The following SEPTIN11 variants were observed in gnomAD, a reference collection of about 807,000 sequenced individuals.
SEPTIN11 encodes the protein septin 11, also known as septin-11.
In SEPTIN11, 25 loss-of-function variants were observed where a neutral mutation model predicts 51.4. The observed-to-expected ratio is 0.49, with a 90% CI of 0.35 to 0.68. SEPTIN11 has a LOEUF of 0.68. SEPTIN11 is among the 30% of genes least tolerant of loss of function. SEPTIN11 has a pLI of 0.00. For synonymous variants in SEPTIN11, 174 were observed against 184.1 expected, an observed-to-expected ratio of 0.95 and a Z score of 0.44; for missense variants, 381 against 520.8, an observed-to-expected ratio of 0.73 and a Z score of 2.61.
chr4:76,950,910 C>G (rs116981583), intron 1 of SEPTIN11, among the ~76,000 whole-genome samples: 1 of 152,176 alleles, frequency 6.6e-6, no homozygotes, highest in African/African-American at 2.4e-5. Context: ...TCCCTTTCCC[C>G]TTTTCATCGT....
At chr4:77,005,885 A>AT (rs1724450829) in intron 3 of SEPTIN11, 89 bp downstream of exon 3, 1 of 1,261,090 alleles carries the variant, frequency 7.9e-7, no homozygotes, top group Non-Finnish European at 1.1e-6. Context: ...TGTTTTGGGG[A>AT]TTTTTTAGTT....
At chr4:76,957,852 A>G (rs541583701) in intron 1 of SEPTIN11, among the ~76,000 whole-genome samples, 17 of 152,270 alleles carry the variant, frequency 1.1e-4, no homozygotes, top group African/African-American at 4.1e-4. Flanking sequence ...CTTATGTGTC[A>G]TCCACATAGT....
intron 2 of SEPTIN11, among the ~76,000 whole-genome samples, chr4:77,003,792 T>G (rs1724292240): frequency 6.6e-6 from 1 of 152,152 alleles, no homozygotes; most frequent in Admixed American, 6.6e-5. Context: ...GTCATTATAG[T>G]GGGAGGGTTG....
chr4:76,962,505 CATGG>C (rs1370236501), intron 1 of SEPTIN11, among the ~76,000 whole-genome samples: 1 of 152,198 alleles, frequency 6.6e-6, no homozygotes, highest in East Asian at 1.9e-4. Flanking sequence ...ATTATCCCCA[CATGG>C]GGAAACGGGA....
At chr4:76,974,883 G>A in intron 1 of SEPTIN11, 1 of 456,096 alleles carries the variant, frequency 2.2e-6, no homozygotes. Flanking sequence ...AACACTTTGG[G>A]AGGCCGAGGC....
Position 76,978,657 on chromosome 4 carries a change from C to T in SEPTIN11, c.28-17768C>T, listed in dbSNP as rs138780696. Among the ~76,000 whole-genome samples, 365 of 152,208 alleles carry T rather than the reference C, an allele frequency of 2.4e-3. 2 individuals are homozygous for T. Among genetic ancestry groups the T allele is most frequent in the African/African-American group, 8.4e-3 (348 of 41,520 alleles). On this transcript the variant is annotated intron_variant, in intron 1 of 9. Coordinates refer to ENST00000264893, the MANE Select transcript of SEPTIN11 (RefSeq NM_018243.4). ...ATAATAACGGTGCACACCTCAGAGG[C>T]GATTGTGAGAAGTAAATGAGACCTA...
intron 9 of SEPTIN11, among the ~76,000 whole-genome samples, chr4:77,032,568 G>C (rs1030303012): frequency 3.9e-5 from 6 of 151,980 alleles, no homozygotes; most frequent in Admixed American, 1.3e-4. Context: ...GTATGTGTCT[G>C]TGTGTGTGTG....
chr4:76,967,164 T>A (rs1722068133), intron 1 of SEPTIN11, among the ~76,000 whole-genome samples: 1 of 152,116 alleles, frequency 6.6e-6, no homozygotes, highest in African/African-American at 2.4e-5. Flanking sequence ...GCCCCTTTAC[T>A]GCAGCCTGGG....
chr4:77,031,005 C>G (rs1726587893), intron 9 of SEPTIN11, 35 bp downstream of exon 9: 9 of 1,558,260 alleles, frequency 5.8e-6, no homozygotes, highest in African/African-American at 1.4e-5. Flanking sequence ...TCGGGGACCT[C>G]TAACAATTTA....
chr4:77,038,697 G>A, downstream of SEPTIN11: 1 of 981,598 alleles, frequency 1.0e-6, no homozygotes, highest in Non-Finnish European at 1.2e-6. Context: ...AAAAGAAATA[G>A]GGATAAGAGT....
chr4:76,968,368 G>A (rs755947624), intron 1 of SEPTIN11, among the ~76,000 whole-genome samples: 13 of 152,124 alleles, frequency 8.5e-5, no homozygotes, highest in East Asian at 1.9e-4. Context: ...AAGGACTTAA[G>A]TTGAGGCTTA....
chr4:77,005,677 C>A lies in SEPTIN11; in HGVS notation c.219C>A (p.His73Gln). The change falls in exon 3 of 10, where the codon CAC becomes CAA. Residue 73 changes from histidine to glutamine, a missense_variant. Physicochemically the swap from His to Gln is conservative, Grantham distance 24 (BLOSUM62 0). Around this residue, in one of 2 missense-constraint regions of SEPTIN11, gnomAD observed 184 missense variants for 207.7 expected, o/e 0.89. Transcript: ENST00000264893. Reference sequence around the variant, plus strand: ...AATTTGAAAGTGACCCAGCTACTCACAATGAACCAGGTGTTCGGTTAAAAG... The same window carrying A: ...AATTTGAAAGTGACCCAGCTACTCAAAATGAACCAGGTGTTCGGTTAAAAG... ...NTKFESDPAT[H>Q]NEPGVRLKAR... 1 of 1,614,050 alleles carries A rather than the reference C, an allele frequency of 6.2e-7. No homozygotes were observed. The highest frequency in any genetic ancestry group is 8.5e-7 in the Non-Finnish European group (1 of 1,179,974).
In SEPTIN11 at chr4:77,037,300, T is replaced by C; in HGVS notation, c.*2788T>C. ...TTGCTTGAACTTGGGAGATGGAGGT[T>C]GCAGTGAGCCAAGATTGCACCACTG... is the stretch of plus-strand genomic sequence containing the variant. On this transcript the variant is annotated 3_prime_UTR_variant, in exon 10 of 10. Transcript: ENST00000264893. 1.2e-6 allele frequency: 1 copy of C among 833,182 alleles called. No homozygotes were observed. The highest frequency in any genetic ancestry group is 1.4e-6 in the Non-Finnish European group (1 of 691,384). 51.6% of individuals were successfully genotyped at this position (833,182 alleles called of 1,614,324 possible).
At chr4:76,991,641 CT>C (rs1723381994) in intron 1 of SEPTIN11, among the ~76,000 whole-genome samples, 1 of 152,166 alleles carries the variant, frequency 6.6e-6, no homozygotes, top group African/African-American at 2.4e-5. Flanking sequence ...ATTTGGGGAA[CT>C]TTAGCTTTCC....
At chr4:76,967,730 A>G (rs1722088651) in intron 1 of SEPTIN11, among the ~76,000 whole-genome samples, 2 of 121,552 alleles carry the variant, frequency 1.6e-5, no homozygotes, top group Admixed American at 1.8e-4. Flanking sequence ...GAATAAAGGA[A>G]CCATTAATAG....
At chr4:77,005,096 T>G (rs1724390406) in intron 2 of SEPTIN11, among the ~76,000 whole-genome samples, 1 of 152,260 alleles carries the variant, frequency 6.6e-6, no homozygotes, top group Admixed American at 6.5e-5. Flanking sequence ...AGTGTTATTT[T>G]GAATAATGTA....
rs769393944 is a variant in SEPTIN11, at chr4:77,036,677, C to T, written c.*2165C>T. On this transcript the variant is annotated 3_prime_UTR_variant, in exon 10 of 10. Coordinates refer to ENST00000264893, the MANE Select transcript of SEPTIN11 (RefSeq NM_018243.4). ...TTTTTTTTTAAAAAATGTATTGCTTCTGAACTTTTTTCTGCCACTGCTCCC... is the reference window on the plus strand; with the variant it reads ...TTTTTTTTTAAAAAATGTATTGCTTTTGAACTTTTTTCTGCCACTGCTCCC... The T allele has an allele frequency of 9.8e-5, 148 of 1,517,804 alleles. No individual in the cohort carries two copies. Among genetic ancestry groups the T allele is most frequent in the Middle Eastern group, 5.1e-4 (3 of 5,918 alleles). 94.0% of individuals were successfully genotyped at this position (1,517,804 alleles called of 1,614,324 possible). A position where few individuals can be genotyped will look rare whatever the true frequency, so the allele number is the denominator to read the frequency against.
In SEPTIN11 at chr4:76,949,828, C is replaced by A; in HGVS notation, c.-76C>A. 1 of 1,462,546 alleles carries A rather than the reference C, an allele frequency of 6.8e-7. No individual in the cohort carries two copies. The highest frequency in any genetic ancestry group is 2.8e-5 in the East Asian group (1 of 35,888). The allele number at this position is 1,462,546 out of a possible 1,614,324, so 90.6% of individuals were successfully genotyped here. ...CGAGGGAGGCGCGAGGGAGGCGAGC[C>A]GGAGCCCGAGCACTAGCAGCAGCCG... On this transcript the variant is annotated 5_prime_UTR_variant, in exon 1 of 10. Coordinates refer to ENST00000264893, the MANE Select transcript of SEPTIN11 (RefSeq NM_018243.4).
chr4:77,016,648 A>ATATATATATATATATATATG, intron 5 of SEPTIN11, among the ~76,000 whole-genome samples: 1 of 130,288 alleles, frequency 7.7e-6, no homozygotes, highest in East Asian at 2.2e-4. Flanking sequence ...ATATATATAT[A>ATATATATATATATATATATG]TATATATACA....
Sources: allele counts gnomAD v4.1 joint callset (sites outside exome capture counted in the v4.1 genomes callset), GRCh38; gene constraint gnomAD v4.1.1; regional missense constraint gnomAD v4.1.1; transcripts MANE v1.5; gene names NCBI Gene and HGNC (gene_info 2026-07-23, HGNC 2026-07-21).